The following FLT3 variants were observed in gnomAD, a reference collection of about 807,000 sequenced individuals.
The protein encoded by FLT3 is receptor-type tyrosine-protein kinase FLT3.
Under a neutral mutation model 126.6 loss-of-function variants are expected in FLT3, and 46 were observed. That is an observed-to-expected ratio of 0.36 (90% CI 0.29 to 0.46). FLT3 has a LOEUF of 0.46. Among genes scored for constraint, FLT3 ranks in the 20% least tolerant of loss-of-function variants. The pLI is 1.00. For missense variants in FLT3, 1,069 were observed against 1,190.3 expected, an observed-to-expected ratio of 0.90 and a Z score of 1.50; for synonymous variants, 404 against 434.4, an observed-to-expected ratio of 0.93 and a Z score of 0.87.
chr13:28,035,356 T>C, intron 12 of FLT3, 139 bp downstream of exon 12: 1 of 753,494 alleles, frequency 1.3e-6, no homozygotes, highest in Admixed American at 3.0e-5. Context: ...CTGGGGATTC[T>C]TGCCTGACTC....
At chr13:28,026,352 G>GAAAAA (rs5802460) in intron 17 of FLT3, among the ~76,000 whole-genome samples, 8 of 78,932 alleles carry the variant, frequency 1.0e-4, no homozygotes, top group East Asian at 3.7e-4. Flanking sequence ...AACTCTGTCT[G>GAAAAA]AAAAAAAAAA....
chr13:28,042,298 C>T (rs1423959697), intron 9 of FLT3, among the ~76,000 whole-genome samples: 1 of 151,592 alleles, frequency 6.6e-6, no homozygotes, highest in East Asian at 1.9e-4. Flanking sequence ...GCAGCCATTA[C>T]AGCAATAAGG....
intron 1 of FLT3, among the ~76,000 whole-genome samples, chr13:28,074,925 C>T (rs756569685): frequency 2.0e-5 from 3 of 152,122 alleles, no homozygotes; most frequent in Non-Finnish European, 2.9e-5. Flanking sequence ...TGAGCCACTG[C>T]GCTCAGCCCT....
chr13:28,026,831 C>CA (rs1257592538), intron 17 of FLT3, among the ~76,000 whole-genome samples: 1 of 152,170 alleles, frequency 6.6e-6, no homozygotes, highest in Non-Finnish European at 1.5e-5. Flanking sequence ...TTCCCCAAAC[C>CA]AAATAGGCGT....
At chr13:28,088,463 T>C (rs570402612) in intron 1 of FLT3, among the ~76,000 whole-genome samples, 1 of 152,182 alleles carries the variant, frequency 6.6e-6, no homozygotes, top group Non-Finnish European at 1.5e-5. Flanking sequence ...AATTTTTGTA[T>C]TTTTACTAGA....
In FLT3 at chr13:28,036,003, C is replaced by A. The variant is rs139619024; in HGVS notation, c.1350G>T (p.Ala450=). The A allele has an allele frequency of 1.9e-6, 3 of 1,614,026 alleles. No homozygotes were observed. In the African/African-American group the frequency reaches 4.0e-5, roughly 22 times the overall value. Residue 450 remains alanine (A), a synonymous_variant, in exon 11 of 24, where the codon GCG becomes GCT. Coordinates refer to ENST00000241453, the MANE Select transcript of FLT3 (RefSeq NM_004119.3). ...ATGGGTATCCATCCGAGAAACAGGA[C>A]GCCTGACTTGCCGATGCTTCTGCGA... The part of the protein sequence containing the change: ...QVLAEASASQ[A]SCFSDGYPLP...
intron 4 of FLT3, among the ~76,000 whole-genome samples, chr13:28,054,045 G>A (rs1875787409): frequency 6.6e-6 from 1 of 152,066 alleles, no homozygotes; most frequent in African/African-American, 2.4e-5. Flanking sequence ...CATGTGCTCT[G>A]AACATTCTAC....
intron 2 of FLT3, among the ~76,000 whole-genome samples, chr13:28,069,012 G>C (rs1254532783): frequency 6.6e-6 from 1 of 152,216 alleles, no homozygotes; most frequent in Non-Finnish European, 1.5e-5. Context: ...GCGTAAAAGA[G>C]AGGAGTCATG....
chr13:28,020,090 C>T (rs1872248303), intron 19 of FLT3, among the ~76,000 whole-genome samples: 1 of 152,144 alleles, frequency 6.6e-6, no homozygotes, highest in Admixed American at 6.5e-5. Context: ...ATGTCCAACT[C>T]ATTACCTTTC....
intron 1 of FLT3, among the ~76,000 whole-genome samples, chr13:28,089,213 C>T (rs947322424): frequency 6.6e-6 from 1 of 152,176 alleles, no homozygotes. Flanking sequence ...CACATGCTGA[C>T]GATGACCTTG....
chr13:28,086,061 T>C (rs1217366114), intron 1 of FLT3, among the ~76,000 whole-genome samples: 1 of 152,234 alleles, frequency 6.6e-6, no homozygotes, highest in Non-Finnish European at 1.5e-5. Context: ...AATTATGATA[T>C]TTAGATCATT....
At chr13:28,062,195 G>T in intron 2 of FLT3, 126 bp from the exon 3 acceptor site, 1 of 660,844 alleles carries the variant, frequency 1.5e-6, no homozygotes, top group South Asian at 1.9e-5. Flanking sequence ...ACACAAGCTG[G>T]AACCCACTGA....
intron 1 of FLT3, among the ~76,000 whole-genome samples, chr13:28,081,879 C>G (rs1176394480): frequency 1.1e-5 from 1 of 88,564 alleles, no homozygotes; most frequent in Non-Finnish European, 2.0e-5. Context: ...TTTTGTGAGA[C>G]ACAGTCTTGC....
chr13:28,034,943 TCAAAAAAAA>T, intron 12 of FLT3, among the ~76,000 whole-genome samples: 1 of 46,620 alleles, frequency 2.1e-5, no homozygotes, highest in Non-Finnish European at 4.9e-5. Flanking sequence ...AGTCTCCATC[TCAAAAAAAA>T]AAATGCATGG....
chr13:28,096,976 C>A (rs1191494900), intron 1 of FLT3, among the ~76,000 whole-genome samples: 3 of 152,108 alleles, frequency 2.0e-5, no homozygotes, highest in Non-Finnish European at 4.4e-5. Flanking sequence ...GTAATCCTAG[C>A]ACTTTGGGAG....
chr13:28,035,762 C>T (rs1164490056), intron 11 of FLT3, 89 bp from the exon 12 acceptor site: 1 of 1,371,696 alleles, frequency 7.3e-7, no homozygotes, highest in Non-Finnish European at 1.0e-6. Context: ...AAAAGAGATT[C>T]ATCCAGTATA....
At chr13:28,091,364 G>T (rs1015093471) in intron 1 of FLT3, among the ~76,000 whole-genome samples, 2 of 149,488 alleles carry the variant, frequency 1.3e-5, no homozygotes, top group African/African-American at 2.5e-5. Flanking sequence ...TGGGACTACA[G>T]GCGCCCGCCA....
chr13:28,060,219 AC>A (rs1396315606), intron 3 of FLT3, among the ~76,000 whole-genome samples: 2 of 135,624 alleles, frequency 1.5e-5, no homozygotes, highest in African/African-American at 5.5e-5. Context: ...ACATGATGAA[AC>A]CCTGTCTCTA....
rs780421585 is a variant in FLT3, at chr13:28,035,528, T to A, written c.1564A>T (p.Thr522Ser). Residue 522 changes from threonine (T) to serine (S), a missense_variant, in exon 12 of 24, where the codon ACA (threonine) becomes TCA (serine). Physicochemically the swap from Thr to Ser is moderately conservative, Grantham distance 58 (BLOSUM62 1). Transcript: ENST00000241453. ...VKCCAYNSLG[T>S]SCETILLNSP... ...TTTAAAAGGATCGTCTCACAAGATG[T>A]GCCAAGGGAATTGTATGCACAGCAC... The A allele has an allele frequency of 3.1e-6, 5 of 1,614,100 alleles. No individual in the cohort carries two copies. In the Admixed American group the frequency reaches 5.0e-5, roughly 16 times the overall value.
Sources: gnomAD v4.1 joint callset for allele counts (sites outside exome capture counted in the v4.1 genomes callset) on GRCh38, gnomAD v4.1.1 for gene constraint, MANE v1.5 for transcripts, NCBI Gene and HGNC (gene_info 2026-07-23, HGNC 2026-07-21) for gene names.